The following SLC47A2 variants were observed in gnomAD, a reference collection of about 807,000 sequenced individuals.
The protein encoded by SLC47A2 is solute carrier family 47 member 2, also known as multidrug and toxin extrusion protein 2.
Under a neutral mutation model 67.7 loss-of-function variants are expected in SLC47A2, and 52 were observed. The ratio of observed to expected loss-of-function variants is 0.77; its 90% CI spans 0.61 to 0.97. The LOEUF (loss-of-function observed/expected upper bound fraction) is 0.97, where lower values mean the gene tolerates loss of function less well. Ranked by LOEUF, SLC47A2 falls within the 50% of genes least tolerant of loss-of-function variation. The pLI is 0.00. For missense variants in SLC47A2, 676 were observed against 712.3 expected (o/e 0.95, Z 0.58); for synonymous variants, 278 against 292.9 (o/e 0.95, Z 0.52).
At chr17:19,714,869 G>A (rs1380286732) in intron 2 of SLC47A2, 80 bp from the exon 3 acceptor site, 2 of 1,584,722 alleles carry the variant, frequency 1.3e-6, no homozygotes, top group Non-Finnish European at 1.7e-6. Context: ...CTGAGCCAGG[G>A]TCAGGAAATG....
At chr17:19,714,014 C>G (rs753936485) in intron 3 of SLC47A2, 41 bp from the exon 4 acceptor site, 3 of 1,588,204 alleles carry the variant, frequency 1.9e-6, no homozygotes, top group Admixed American at 3.4e-5. Context: ...TTCCACTGCC[C>G]GGGACATTCC....
In SLC47A2 at chr17:19,702,650, C is replaced by G. The variant is rs1370887403; in HGVS notation, c.1119G>C (p.Gln373His). 1.9e-6 allele frequency: 3 copies of G among 1,613,934 alleles called. No individual in the cohort carries two copies. Among genetic ancestry groups the G allele is most frequent in the African/African-American group, 1.3e-5 (1 of 74,902 alleles). The change falls in exon 13 of 17, where the codon CAG becomes CAC. Residue 373 changes from glutamine to histidine, a missense_variant. By Grantham distance (24) the Gln-to-His change is conservative. Coordinates refer to ENST00000433844, the MANE Select transcript of SLC47A2 (RefSeq NM_001099646.3). ...NDEDVIALVSQVLPVYSVFHV... is the reference protein window; with the variant it reads ...NDEDVIALVSHVLPVYSVFHV... ...GAAAGACACTATAAACCGGCAAGAC[C>G]TGGCTCACCAGGGCAATGACATCTC...
chr17:19,712,835 C>T (rs1041639188), intron 4 of SLC47A2, 90 bp from the exon 5 acceptor site: 17 of 1,254,288 alleles, frequency 1.4e-5, no homozygotes, highest in Middle Eastern at 2.3e-4. Context: ...ACTGGGTGCT[C>T]GGCCGCTGTC....
chr17:19,703,395 G>A (rs1359335435), intron 11 of SLC47A2, among the ~76,000 whole-genome samples: 1 of 152,240 alleles, frequency 6.6e-6, no homozygotes, highest in Non-Finnish European at 1.5e-5. Context: ...GTGGTTCTCA[G>A]AGTGGGCGGC....
Position 19,706,651 on chromosome 17 carries a change from T to G in SLC47A2, c.838A>C (p.Met280Leu). ...WWAYEIGSFLMGLLSVVDLSA... is the reference protein window; with the variant it reads ...WWAYEIGSFLLGLLSVVDLSA... ...CCCCCCATCCTCTTCCACGTACCCA[T>G]GAGGAAGCTCCCGATCTCATAGGCC... Residue 280 changes from methionine (M) to leucine (L), a missense_variant, in exon 9 of 17, where the codon ATG (methionine) becomes CTG (leucine). Coordinates refer to ENST00000433844, the MANE Select transcript of SLC47A2 (RefSeq NM_001099646.3). The G allele has an allele frequency of 6.3e-7, 1 of 1,594,904 alleles. No individual in the cohort carries two copies. The highest frequency in any genetic ancestry group is 8.5e-7 in the Non-Finnish European group (1 of 1,173,498).
chr17:19,683,228 G>T (rs953224035), intron 13 of SLC47A2, among the ~76,000 whole-genome samples: 4 of 152,148 alleles, frequency 2.6e-5, no homozygotes, highest in Non-Finnish European at 2.9e-5. Context: ...TGACAACTGT[G>T]GGGGTGTGGT....
chr17:19,713,476 G>C (rs1203534885), intron 4 of SLC47A2, among the ~76,000 whole-genome samples: 1 of 152,070 alleles, frequency 6.6e-6, no homozygotes, highest in Non-Finnish European at 1.5e-5. Context: ...CTCCTTTTCG[G>C]AATATGGGAA....
At chr17:19,699,179 T>C (rs1170791382) in intron 13 of SLC47A2, among the ~76,000 whole-genome samples, 2 of 151,448 alleles carry the variant, frequency 1.3e-5, no homozygotes, top group African/African-American at 4.8e-5. Context: ...CAAAGGCAAC[T>C]GGAGAAAGCC....
intron 6 of SLC47A2, 81 bp from the exon 7 acceptor site, chr17:19,708,480 ACTC>A: frequency 2.5e-6 from 4 of 1,613,372 alleles, no homozygotes; most frequent in Non-Finnish European, 3.4e-6. Flanking sequence ...TGGAATGGGG[ACTC>A]CTCCTCCTGC....
intron 13 of SLC47A2, among the ~76,000 whole-genome samples, chr17:19,688,399 A>G (rs200829922): frequency 9.5e-5 from 3 of 31,604 alleles, no homozygotes; most frequent in African/African-American, 2.8e-4. Flanking sequence ...ACCCACAGCT[A>G]GTATCATACC....
intron 13 of SLC47A2, among the ~76,000 whole-genome samples, chr17:19,694,643 C>T (rs926502778): frequency 2.6e-5 from 4 of 152,192 alleles, no homozygotes; most frequent in South Asian, 4.1e-4. Context: ...AGAGGCCAGG[C>T]GCTGTGGCTC....
chr17:19,682,678 T>C (rs760969128), intron 13 of SLC47A2, among the ~76,000 whole-genome samples: 1 of 152,192 alleles, frequency 6.6e-6, no homozygotes, highest in Non-Finnish European at 1.5e-5. Context: ...CAAAGTCCCA[T>C]TTGCCTTGAA....
At chr17:19,708,826 A>C in intron 5 of SLC47A2, 66 bp from the exon 6 acceptor site, 2 of 1,572,272 alleles carry the variant, frequency 1.3e-6, no homozygotes, top group Non-Finnish European at 1.7e-6. Flanking sequence ...GAGCATTAAC[A>C]GACATTCCTT....
intron 3 of SLC47A2, 107 bp from the exon 4 acceptor site, chr17:19,714,080 G>T (rs9900497): frequency 0.31 from 443,402 of 1,434,550 alleles, 70,564 homozygotes; most frequent in East Asian, 0.43. Context: ...TGGCGGACCC[G>T]GCGGCCTCTG....
chr17:19,705,851 G>T (rs763013641), intron 9 of SLC47A2, among the ~76,000 whole-genome samples: 4 of 152,162 alleles, frequency 2.6e-5, no homozygotes, highest in Admixed American at 1.3e-4. Context: ...CACCCACCTC[G>T]GCCTTTCAAA....
chr17:19,715,303 GC>G (rs1238967873), intron 1 of SLC47A2, 86 bp from the exon 2 acceptor site: 1 of 1,253,754 alleles, frequency 8.0e-7, no homozygotes, highest in African/African-American at 1.5e-5. Flanking sequence ...AGCTTTGAGG[GC>G]CCCGCACCAG....
intron 4 of SLC47A2, among the ~76,000 whole-genome samples, chr17:19,713,190 C>G (rs1410291075): frequency 2.6e-5 from 4 of 152,014 alleles, no homozygotes; most frequent in Non-Finnish European, 5.9e-5. Context: ...GAGATCAAGA[C>G]CATCCTGGCT....
At chr17:19,715,303 GCC>G in intron 1 of SLC47A2, 86 bp from the exon 2 acceptor site, 1 of 1,253,874 alleles carries the variant, frequency 8.0e-7, no homozygotes, top group African/African-American at 1.5e-5. Context: ...AGCTTTGAGG[GCC>G]CCGCACCAGT....
At chr17:19,704,545 A>T (rs2085875450) in intron 10 of SLC47A2, 1 of 1,172,544 alleles carries the variant, frequency 8.5e-7, no homozygotes, top group Admixed American at 2.8e-5. Context: ...AAGATATTTC[A>T]GCAGAAACCA....
Sources: allele counts gnomAD v4.1 joint callset (sites outside exome capture counted in the v4.1 genomes callset), GRCh38; gene constraint gnomAD v4.1.1; transcripts MANE v1.5; gene names NCBI Gene and HGNC (gene_info 2026-07-23, HGNC 2026-07-21).